Variants in EXOC4 observed in about 807,000 individuals in gnomAD.
The protein encoded by EXOC4 is SEC8-like 1.
EXOC4 carries 71 observed loss-of-function variants against 107.2 expected under a neutral mutation model. That is an observed-to-expected ratio of 0.66 (90% CI 0.55 to 0.81). EXOC4 has a LOEUF of 0.81. Ranked by LOEUF, EXOC4 falls within the 30% of genes least tolerant of loss-of-function variation. The pLI, the probability that EXOC4 is intolerant of heterozygous loss-of-function variation, is 0.00. For synonymous variants in EXOC4, 456 were observed against 441.2 expected, an observed-to-expected ratio of 1.03 and a Z score of -0.42; for missense variants, 1,108 against 1,189.6, an observed-to-expected ratio of 0.93 and a Z score of 1.01.
intron 14 of EXOC4, among the ~76,000 whole-genome samples, chr7:133,985,839 T>G (rs1794101783): frequency 6.6e-6 from 1 of 152,174 alleles, no homozygotes; most frequent in Admixed American, 6.5e-5. Flanking sequence ...TTAAGACACC[T>G]TCTCCCGATC....
chr7:133,893,940 G>A (rs1327484791), intron 11 of EXOC4, among the ~76,000 whole-genome samples: 6 of 87,932 alleles, frequency 6.8e-5, no homozygotes, highest in South Asian at 4.9e-4. Context: ...TCTTTGTGGC[G>A]TTCTCTGTAT....
chr7:133,909,530 G>C (rs1799642900), intron 12 of EXOC4, among the ~76,000 whole-genome samples: 1 of 152,138 alleles, frequency 6.6e-6, no homozygotes, highest in South Asian at 2.1e-4. Flanking sequence ...CTTGAATTCA[G>C]GTTAATGAGC....
At chr7:133,316,623 G>A (rs181855876) in intron 4 of EXOC4, among the ~76,000 whole-genome samples, 2 of 152,274 alleles carry the variant, frequency 1.3e-5, no homozygotes, top group Admixed American at 1.3e-4. Flanking sequence ...GTTGATTTAT[G>A]CGTTTATTTA....
At chr7:133,756,821 T>A (rs139743978) in intron 10 of EXOC4, among the ~76,000 whole-genome samples, 10 of 152,330 alleles carry the variant, frequency 6.6e-5, no homozygotes, top group African/African-American at 2.4e-4. Context: ...TAAAACACAT[T>A]GCAAGGTTAC....
At position 133,586,160 on chromosome 7, in the gene EXOC4, T is replaced by A. The variant is rs115332649; in HGVS notation, c.1418-43885T>A. On this transcript the variant is annotated intron_variant, in intron 9 of 17. Coordinates refer to ENST00000253861, the MANE Select transcript of EXOC4 (RefSeq NM_021807.4). Reference sequence around the variant, plus strand: ...AGGTAAATTGTGTGTCATGGGTGTTTCATGTGCAGATTATTTCTCCACCTA... The same window carrying A: ...AGGTAAATTGTGTGTCATGGGTGTTACATGTGCAGATTATTTCTCCACCTA... Among the ~76,000 whole-genome samples, 419 of 152,274 alleles carry A rather than the reference T, an allele frequency of 2.8e-3. 5 individuals are homozygous for A. Among genetic ancestry groups the A allele is most frequent in the African/African-American group, 9.5e-3 (393 of 41,542 alleles).
intron 6 of EXOC4, 28 bp downstream of exon 6, chr7:133,356,601 G>A (rs1796026481): frequency 1.2e-6 from 2 of 1,611,808 alleles, no homozygotes; most frequent in African/African-American, 1.3e-5. Flanking sequence ...TTGTATTTTT[G>A]ACAACTCTAT....
chr7:133,285,440 A>G (rs1034925350), intron 2 of EXOC4, among the ~76,000 whole-genome samples: 2 of 152,182 alleles, frequency 1.3e-5, no homozygotes, highest in African/African-American at 4.8e-5. Context: ...TACTTGATTG[A>G]TAGTTCTTCT....
rs1796451486 is a variant in EXOC4, at chr7:133,374,823, A to C, written c.1008-5A>C. On this transcript the variant is annotated splice_region_variant and splice_polypyrimidine_tract_variant and intron_variant, in intron 6 of 17. Coordinates refer to ENST00000253861, the MANE Select transcript of EXOC4 (RefSeq NM_021807.4). The stretch of plus-strand genomic sequence containing the variant: ...TAAATGTTATTTATTTGTTTATGCC[A>C]CTAGGTTGCTTCTAGAACTGCTGGA... 2 of 1,611,032 alleles carry C rather than the reference A, an allele frequency of 1.2e-6. No individual in the cohort carries two copies. The highest frequency in any genetic ancestry group is 2.2e-5 in the South Asian group (2 of 90,880).
In EXOC4 at chr7:133,391,723, C is replaced by T. The variant is rs563411756; in HGVS notation, c.1182+16721C>T. On this transcript the variant is annotated intron_variant, in intron 7 of 17. Coordinates refer to ENST00000253861, the MANE Select transcript of EXOC4 (RefSeq NM_021807.4). The stretch of plus-strand genomic sequence containing the variant: ...TACAGTGCACTTTAGAGGAATTACC[C>T]AAATACTTTCACAGACAGCATATCA... 8.5e-5 allele frequency among the ~76,000 whole-genome samples: 13 copies of T among 152,208 alleles called. No individual in the cohort carries two copies. The South Asian group carries it at 2.7e-3, about 32-fold the overall frequency.
At chr7:133,689,370 G>A (rs1277708784) in intron 10 of EXOC4, among the ~76,000 whole-genome samples, 3 of 152,104 alleles carry the variant, frequency 2.0e-5, no homozygotes, top group Non-Finnish European at 4.4e-5. Flanking sequence ...TTATTCAAGG[G>A]GGGCTACTAC....
At chr7:133,601,478 G>A (rs991547100) in intron 9 of EXOC4, among the ~76,000 whole-genome samples, 1 of 151,922 alleles carries the variant, frequency 6.6e-6, no homozygotes, top group Non-Finnish European at 1.5e-5. Context: ...GAATTGTTAT[G>A]CATCTGTCCC....
chr7:133,757,575 G>T (rs987942787), intron 10 of EXOC4, among the ~76,000 whole-genome samples: 1 of 152,144 alleles, frequency 6.6e-6, no homozygotes, highest in East Asian at 1.9e-4. Flanking sequence ...GGTGAAAAAA[G>T]GACAATAATC....
chr7:133,609,555 A>G (rs901706463), intron 9 of EXOC4, among the ~76,000 whole-genome samples: 1 of 152,250 alleles, frequency 6.6e-6, no homozygotes, highest in Non-Finnish European at 1.5e-5. Context: ...TTTTCCATCA[A>G]CTGCAACTCT....
Position 133,824,245 on chromosome 7 carries a change from C to T in EXOC4, c.1734+6701C>T, listed in dbSNP as rs566807336. 3.3e-5 allele frequency among the ~76,000 whole-genome samples: 5 copies of T among 151,976 alleles called. No homozygotes were observed. The South Asian group carries it at 8.3e-4, about 25-fold the overall frequency. ...CGGGTCACCTGTGAGCAGGTCTCTGCGTTGACTGCTTTGATGTGTTACCTG... is the reference window on the plus strand; with the variant it reads ...CGGGTCACCTGTGAGCAGGTCTCTGTGTTGACTGCTTTGATGTGTTACCTG... On this transcript the variant is annotated intron_variant, in intron 11 of 17. Transcript: ENST00000253861.
chr7:133,492,038 T>G (rs549623145), intron 9 of EXOC4, among the ~76,000 whole-genome samples: 1 of 152,240 alleles, frequency 6.6e-6, no homozygotes, highest in East Asian at 1.9e-4. Flanking sequence ...GAAGGTTCGG[T>G]TTTTGTCCTG....
chr7:133,694,945 C>T (rs1238354780), intron 10 of EXOC4, among the ~76,000 whole-genome samples: 2 of 152,196 alleles, frequency 1.3e-5, no homozygotes, highest in Non-Finnish European at 2.9e-5. Context: ...GCCTCAGCCT[C>T]CCGAGTAGCT....
intron 6 of EXOC4, among the ~76,000 whole-genome samples, chr7:133,371,752 G>A (rs1455252430): frequency 6.6e-6 from 1 of 152,182 alleles, no homozygotes; most frequent in Non-Finnish European, 1.5e-5. Context: ...CATATAGCTA[G>A]GAATGGAATC....
intron 2 of EXOC4, among the ~76,000 whole-genome samples, chr7:133,280,034 T>G (rs893473087): frequency 6.6e-6 from 1 of 151,832 alleles, no homozygotes; most frequent in Non-Finnish European, 1.5e-5. Flanking sequence ...CATAGCTCAC[T>G]GCAGCCTCAA....
At chr7:134,048,155 C>G (rs977528789) in intron 17 of EXOC4, among the ~76,000 whole-genome samples, 6 of 152,200 alleles carry the variant, frequency 3.9e-5, no homozygotes, top group Non-Finnish European at 7.3e-5. Context: ...AGCAGATCCA[C>G]TGAGTGCAGG....
Sources: allele counts gnomAD v4.1 joint callset (sites outside exome capture counted in the v4.1 genomes callset), GRCh38; gene constraint gnomAD v4.1.1; transcripts MANE v1.5; gene names NCBI Gene and HGNC (gene_info 2026-07-23, HGNC 2026-07-21).